The following AKR1D1 variants were observed in gnomAD, a reference collection of about 807,000 sequenced individuals.
AKR1D1 encodes the protein delta(4)-3-ketosteroid 5-beta-reductase.
AKR1D1 carries 32 observed loss-of-function variants against 42.6 expected under a neutral mutation model. That is an observed-to-expected ratio of 0.75 (90% confidence interval 0.57 to 1.01). The LOEUF (loss-of-function observed/expected upper bound fraction) is 1.01, where lower values mean the gene tolerates loss of function less well. AKR1D1 is among the 50% of genes least tolerant of loss of function. AKR1D1 has a pLI of 0.00. For synonymous variants in AKR1D1, 123 were observed against 135.5 expected, an observed-to-expected ratio of 0.91 and a Z score of 0.64; for missense variants, 364 against 402.2, an observed-to-expected ratio of 0.91 and a Z score of 0.81.
At chr7:138,109,348 T>TC (rs1169234856) in intron 7 of AKR1D1, among the ~76,000 whole-genome samples, 3 of 152,156 alleles carry the variant, frequency 2.0e-5, no homozygotes, top group African/African-American at 7.2e-5. Context: ...AGAGATTTAG[T>TC]CCTCTCTCTC....
At chr7:138,113,096 C>T (rs541411072) in intron 7 of AKR1D1, among the ~76,000 whole-genome samples, 13 of 152,092 alleles carry the variant, frequency 8.5e-5, no homozygotes, top group Admixed American at 2.0e-4. Flanking sequence ...GTGGGAGGAT[C>T]GCTTGAGTTC....
intron 2 of AKR1D1, chr7:138,091,236 G>A (rs1794070505): frequency 1.2e-5 from 2 of 160,836 alleles, no homozygotes; most frequent in Non-Finnish European, 2.7e-5. Flanking sequence ...CTGGAGATGT[G>A]AGGGTGATCT....
At position 138,081,322 on chromosome 7, in the gene AKR1D1, T is replaced by A. The variant is rs142755786; in HGVS notation, c.93+4711T>A. 1.5e-3 allele frequency among the ~76,000 whole-genome samples: 221 copies of A among 152,120 alleles called. 1 individual carries two copies. The highest frequency in any genetic ancestry group is 4.8e-3 in the African/African-American group (198 of 41,520). ...TTCCATATCAATAAACTCTCCTTTA[T>A]CCAACTTGAAATTCCACCTTCCTCT... On this transcript the variant is annotated intron_variant, in intron 1 of 8. Coordinates refer to ENST00000242375, the MANE Select transcript of AKR1D1 (RefSeq NM_005989.4).
intron 4 of AKR1D1, among the ~76,000 whole-genome samples, chr7:138,103,661 G>T (rs1180898123): frequency 2.0e-5 from 3 of 151,750 alleles, no homozygotes; most frequent in Admixed American, 6.6e-5. Context: ...CCAAATACCG[G>T]AAAAAGTTGG....
intron 4 of AKR1D1, among the ~76,000 whole-genome samples, chr7:138,103,244 C>G (rs1794351903): frequency 6.6e-6 from 1 of 151,954 alleles, no homozygotes; most frequent in Non-Finnish European, 1.5e-5. Context: ...AAAAAAAATG[C>G]ATAAAGCAAA....
At chr7:138,101,265 T>A (rs1182642006) in intron 4 of AKR1D1, among the ~76,000 whole-genome samples, 2 of 142,012 alleles carry the variant, frequency 1.4e-5, no homozygotes, top group Non-Finnish European at 3.0e-5. Flanking sequence ...AGTGGCGCAA[T>A]CTCAGCTCAC....
chr7:138,116,668 G>C lies in AKR1D1; in HGVS notation c.*6G>C. Reference sequence around the variant, plus strand: ...CATTTCATGATGAATACTGACTGCAGGGAGTTCCTGAACAGATTTTTCACT... The same window carrying C: ...CATTTCATGATGAATACTGACTGCACGGAGTTCCTGAACAGATTTTTCACT... On this transcript the variant is annotated 3_prime_UTR_variant, in exon 9 of 9. Transcript: ENST00000242375. 1 of 1,613,912 alleles carries C rather than the reference G, an allele frequency of 6.2e-7. No homozygotes were observed. The highest frequency in any genetic ancestry group is 8.5e-7 in the Non-Finnish European group (1 of 1,179,894).
chr7:138,080,132 G>A (rs1042287751), intron 1 of AKR1D1, among the ~76,000 whole-genome samples: 2 of 152,206 alleles, frequency 1.3e-5, no homozygotes, highest in African/African-American at 4.8e-5. Context: ...GAGCCTGAGG[G>A]CGCCTTTTGG....
rs1311086898 is a variant in AKR1D1 at position 138,116,914 on chromosome 7, T to C, written c.*252T>C. 2.2e-6 allele frequency: 1 copy of C among 458,544 alleles called. No individual in the cohort carries two copies. Among genetic ancestry groups the C allele is most frequent in the Non-Finnish European group, 3.9e-6 (1 of 259,340 alleles). 28.4% of individuals were successfully genotyped at this position (458,544 alleles called of 1,614,324 possible). Reference sequence around the variant, plus strand: ...TTTTTCAGATCAGTATCTTCTAGATTCCAGACAGAAAAAAATTACACTTCA... The same window carrying C: ...TTTTTCAGATCAGTATCTTCTAGATCCCAGACAGAAAAAAATTACACTTCA... On this transcript the variant is annotated 3_prime_UTR_variant, in exon 9 of 9. Transcript: ENST00000242375.
chr7:138,088,646 A>C lies in AKR1D1; in HGVS notation c.139A>C (p.Thr47Pro), dbSNP rs1562931687. 2 of 1,614,054 alleles carry C rather than the reference A, an allele frequency of 1.2e-6. No homozygotes were observed. The highest frequency in any genetic ancestry group is 3.3e-5 in the Admixed American group (2 of 60,000). ...AACATCGGTGAAGGTTGCTATTGAC[A>C]CAGGGTACCGACATATTGATGGGGC... ...CATSVKVAID[T>P]GYRHIDGAYI... The change falls in exon 2 of 9, where the codon ACA (threonine) becomes CCA (proline). Residue 47 changes from threonine to proline, a missense_variant. Transcript: ENST00000242375.
chr7:138,087,913 C>T (rs1186150181), intron 1 of AKR1D1, among the ~76,000 whole-genome samples: 3 of 144,662 alleles, frequency 2.1e-5, no homozygotes, highest in African/African-American at 7.9e-5. Context: ...TTTTTTGAGA[C>T]AGGGTCTGTC....
Position 138,085,421 on chromosome 7 carries a change from ACTTT to A in AKR1D1, c.94-3171_94-3168del, listed in dbSNP as rs1052728581. On this transcript the variant is annotated intron_variant, in intron 1 of 8. Coordinates refer to ENST00000242375, the MANE Select transcript of AKR1D1 (RefSeq NM_005989.4). ...TCCTACCTTAGCCCTTGCCTTTGCC[ACTTT>A]CTTTCTTTTTCTTTTCTTTCCTTTT... Among the ~76,000 whole-genome samples the A allele has an allele frequency of 2.8e-4, 41 of 147,496 alleles. 1 individual carries two copies. The highest frequency in any genetic ancestry group is 9.4e-4 in the African/African-American group (38 of 40,306).
chr7:138,096,376 T>C (rs1020246450), intron 3 of AKR1D1, among the ~76,000 whole-genome samples: 2 of 152,146 alleles, frequency 1.3e-5, no homozygotes, highest in African/African-American at 4.8e-5. Context: ...AGCACCTCAC[T>C]AGAGCCTTCT....
At chr7:138,093,849 C>T (rs1397023800) in intron 3 of AKR1D1, among the ~76,000 whole-genome samples, 2 of 152,160 alleles carry the variant, frequency 1.3e-5, no homozygotes, top group East Asian at 1.9e-4. Context: ...GGTTTGTTTA[C>T]ACCAGCAACA....
chr7:138,117,227 C>T lies in AKR1D1; in HGVS notation c.*565C>T, dbSNP rs981902342. The T allele has an allele frequency of 1.3e-5, 2 of 153,194 alleles. No individual in the cohort carries two copies. Among genetic ancestry groups the T allele is most frequent in the African/African-American group, 4.8e-5 (2 of 41,442 alleles). The allele number at this position is 153,194 out of a possible 1,614,324, so 9.5% of individuals were successfully genotyped here. On this transcript the variant is annotated 3_prime_UTR_variant, in exon 9 of 9. Transcript: ENST00000242375. ...ACACCACAGTGGTCAACAAAGCCAT[C>T]ATAATGTTGGTGTTTGTTTCCCTCC...
At chr7:138,087,741 G>A (rs564073085) in intron 1 of AKR1D1, among the ~76,000 whole-genome samples, 9 of 152,168 alleles carry the variant, frequency 5.9e-5, no homozygotes, top group Non-Finnish European at 1.0e-4. Context: ...ACTGATCTAT[G>A]TCTGTCACCA....
In AKR1D1 at chr7:138,088,584, C is replaced by G; in HGVS notation, c.94-17C>G. ...CCATTTCTCTTTTCCCCAAACCCAA[C>G]CTCTTTGTCACTTCAGACCCCTAAG... is the stretch of plus-strand genomic sequence containing the variant. On this transcript the variant is annotated splice_polypyrimidine_tract_variant and intron_variant, in intron 1 of 8. Transcript: ENST00000242375. The G allele has an allele frequency of 6.2e-7, 1 of 1,614,100 alleles. No homozygotes were observed. Among genetic ancestry groups the G allele is most frequent in the Non-Finnish European group, 8.5e-7 (1 of 1,179,958 alleles).
At chr7:138,094,379 GTGGC>G (rs1794143700) in intron 3 of AKR1D1, among the ~76,000 whole-genome samples, 1 of 152,174 alleles carries the variant, frequency 6.6e-6, no homozygotes, top group Non-Finnish European at 1.5e-5. Context: ...GCCAGGCTTG[GTGGC>G]ATGTGCCTGT....
rs146747335 is a variant in AKR1D1, at chr7:138,091,851, T to A, written c.345T>A (p.Asp115Glu). The A allele has an allele frequency of 5.0e-6, 8 of 1,613,980 alleles. No individual in the cohort carries two copies. The Admixed American group carries it at 1.3e-4, about 27-fold the overall frequency. Residue 115 changes from aspartate (D) to glutamate (E), a missense_variant, in exon 3 of 9, where the codon GAT becomes GAA. Transcript: ENST00000242375. ...TLRVLQLDYV[D>E]LYIIEVPMAF... The stretch of plus-strand genomic sequence containing the variant: ...GGGTCCTCCAGCTAGATTATGTGGA[T>A]CTTTACATCATTGAAGTACCCATGG...
Sources: allele counts gnomAD v4.1 joint callset (sites outside exome capture counted in the v4.1 genomes callset), GRCh38; gene constraint gnomAD v4.1.1; transcripts MANE v1.5; gene names NCBI Gene and HGNC (gene_info 2026-07-23, HGNC 2026-07-21).